Variants in TNR observed in about 807,000 individuals in gnomAD.
TNR encodes the protein tenascin R.
Under a neutral mutation model 150.4 loss-of-function variants are expected in TNR, and 45 were observed. The observed-to-expected ratio is 0.30, with a 90% CI of 0.24 to 0.38. TNR has a LOEUF of 0.38. Ranked by LOEUF, TNR falls within the 10% of genes least tolerant of loss-of-function variation. The pLI is 1.00. For synonymous variants in TNR, 687 were observed against 678.4 expected, an observed-to-expected ratio of 1.01 and a Z score of -0.20; for missense variants, 1,544 against 1,759.1, an observed-to-expected ratio of 0.88 and a Z score of 2.19.
At chr1:175,645,703 T>C (rs1247847137) in intron 1 of TNR, among the ~76,000 whole-genome samples, 17 of 152,196 alleles carry the variant, frequency 1.1e-4, no homozygotes, top group Non-Finnish European at 2.9e-5. Flanking sequence ...AGGAATATAG[T>C]TTTTTGAAGA....
intron 1 of TNR, among the ~76,000 whole-genome samples, chr1:175,656,936 T>C (rs192120505): frequency 6.6e-6 from 1 of 152,278 alleles, no homozygotes; most frequent in East Asian, 1.9e-4. Context: ...GTATGTTTGC[T>C]AAAGGATGCT....
At chr1:175,577,650 G>A (rs1312116516) in intron 1 of TNR, among the ~76,000 whole-genome samples, 2 of 152,034 alleles carry the variant, frequency 1.3e-5, no homozygotes, top group Admixed American at 6.5e-5. Context: ...GACCCTTCCT[G>A]CGCCTGTAAA....
chr1:175,456,973 T>C (rs1341963556), intron 2 of TNR, among the ~76,000 whole-genome samples: 1 of 152,192 alleles, frequency 6.6e-6, no homozygotes, highest in Non-Finnish European at 1.5e-5. Flanking sequence ...GGCATTTCAA[T>C]CCTGCCTCTA....
rs181303086 is a variant in TNR at position 175,393,936 on chromosome 1, C to G, written c.1241-41G>C. 87 of 1,484,768 alleles carry G rather than the reference C, an allele frequency of 5.9e-5. 1 individual carries two copies. The African/African-American group carries it at 7.9e-4, about 13-fold the overall frequency. 92.0% of individuals were successfully genotyped at this position (1,484,768 alleles called of 1,614,324 possible). A position where few individuals can be genotyped will look rare whatever the true frequency, so the allele number is the denominator to read the frequency against. On this transcript the variant is annotated intron_variant, in intron 5 of 22. Transcript: ENST00000367674. The stretch of plus-strand genomic sequence containing the variant: ...GTAGGTGACAATGTCATGGCTAACC[C>G]TTGGGACAGACAGCATTGCCTGGTG...
chr1:175,649,971 CAT>C (rs977873958), intron 1 of TNR, among the ~76,000 whole-genome samples: 14 of 152,232 alleles, frequency 9.2e-5, no homozygotes, highest in South Asian at 8.3e-4. Context: ...CCCATGTTAA[CAT>C]GTGTTAAAAC....
At chr1:175,688,489 GA>G in intron 1 of TNR, among the ~76,000 whole-genome samples, 1 of 152,314 alleles carries the variant, frequency 6.6e-6, no homozygotes, top group Non-Finnish European at 1.5e-5. Flanking sequence ...AACAAATGAG[GA>G]AGAGAATGAC....
intron 2 of TNR, among the ~76,000 whole-genome samples, chr1:175,410,507 CG>C (rs1654164712): frequency 6.6e-6 from 1 of 152,228 alleles, no homozygotes; most frequent in Non-Finnish European, 1.5e-5. Context: ...GCAACTCTGC[CG>C]GGGGCTGCAG....
At chr1:175,651,505 GA>G (rs542592648) in intron 1 of TNR, among the ~76,000 whole-genome samples, 13 of 151,516 alleles carry the variant, frequency 8.6e-5, no homozygotes, top group African/African-American at 2.7e-4. Context: ...TAATAAACTG[GA>G]AAAAAACCCA....
At chr1:175,361,996 T>C (rs1466983087) in intron 14 of TNR, among the ~76,000 whole-genome samples, 2 of 152,162 alleles carry the variant, frequency 1.3e-5, no homozygotes, top group African/African-American at 4.8e-5. Context: ...TGCAAGCCAG[T>C]CTCTCCCTTG....
chr1:175,400,169 G>A (rs369728888), intron 4 of TNR, among the ~76,000 whole-genome samples: 4 of 152,054 alleles, frequency 2.6e-5, no homozygotes, highest in African/African-American at 9.7e-5. Flanking sequence ...TACCTCTGAC[G>A]TCTCATTTTT....
chr1:175,488,985 A>G (rs1011010711), intron 2 of TNR, among the ~76,000 whole-genome samples: 8 of 152,320 alleles, frequency 5.3e-5, no homozygotes, highest in Admixed American at 2.6e-4. Context: ...AAGTGAATTT[A>G]AAGTCTACCG....
At chr1:175,712,435 T>C (rs144757270) in intron 1 of TNR, among the ~76,000 whole-genome samples, 2,125 of 152,072 alleles carry the variant, frequency 0.014, 65 homozygotes, top group African/African-American at 0.048. Context: ...AGAGGTGACA[T>C]AAGACGAACT....
chr1:175,405,580 T>G (rs1653907382), intron 3 of TNR, among the ~76,000 whole-genome samples: 1 of 151,384 alleles, frequency 6.6e-6, no homozygotes, highest in Non-Finnish European at 1.5e-5. Context: ...AGAGCATGCG[T>G]GTGTGCATGC....
chr1:175,503,825 A>G (rs1658840354), intron 2 of TNR, among the ~76,000 whole-genome samples: 2 of 152,218 alleles, frequency 1.3e-5, no homozygotes, highest in Non-Finnish European at 2.9e-5. Context: ...TGGGGGAGGC[A>G]GGCAGAAATT....
intron 1 of TNR, among the ~76,000 whole-genome samples, chr1:175,680,453 G>A (rs1452609332): frequency 6.6e-6 from 1 of 152,148 alleles, no homozygotes; most frequent in Non-Finnish European, 1.5e-5. Context: ...GTTAAGATGG[G>A]AAAGGGGAAG....
In TNR at chr1:175,320,893, T is replaced by C. The variant is rs557811811; in HGVS notation, c.*2464A>G. On this transcript the variant is annotated 3_prime_UTR_variant, in exon 23 of 23. Coordinates refer to ENST00000367674, the MANE Select transcript of TNR (RefSeq NM_003285.3). The stretch of plus-strand genomic sequence containing the variant: ...CTGTCCCACCATGCCAATTTCTACT[T>C]AGGTTTTCAGATCACAGATTAGCAT... 6.6e-6 allele frequency: 1 copy of C among 152,138 alleles called. No individual in the cohort carries two copies. The highest frequency in any genetic ancestry group is 2.4e-5 in the African/African-American group (1 of 41,474). 9.4% of individuals were successfully genotyped at this position (152,138 alleles called of 1,614,324 possible).
At chr1:175,482,960 A>G (rs1342716970) in intron 2 of TNR, among the ~76,000 whole-genome samples, 1 of 152,222 alleles carries the variant, frequency 6.6e-6, no homozygotes, top group Non-Finnish European at 1.5e-5. Context: ...CATTTTGCAG[A>G]TCAAAGTGTG....
chr1:175,329,727 G>T (rs1649620211), intron 21 of TNR, among the ~76,000 whole-genome samples: 1 of 152,202 alleles, frequency 6.6e-6, no homozygotes, highest in Non-Finnish European at 1.5e-5. Context: ...TCTAGACAAA[G>T]AAAACAATCC....
intron 1 of TNR, among the ~76,000 whole-genome samples, chr1:175,681,360 G>T (rs1666029072): frequency 6.6e-6 from 1 of 152,192 alleles, no homozygotes; most frequent in Admixed American, 6.5e-5. Flanking sequence ...CTGGCTTGCT[G>T]GGGATGCCAG....
Sources: allele counts gnomAD v4.1 joint callset (sites outside exome capture counted in the v4.1 genomes callset), GRCh38; gene constraint gnomAD v4.1.1; transcripts MANE v1.5; gene names NCBI Gene and HGNC (gene_info 2026-07-23, HGNC 2026-07-21).